EPHA6: variants seen among roughly 807,000 people sequenced by gnomAD.
EPHA6 encodes the protein ephrin type-A receptor 6.
A neutral mutation model predicts 112.0 loss-of-function variants in EPHA6; 50 were observed. The observed-to-expected ratio is 0.45, with a 90% CI of 0.36 to 0.56. EPHA6 has a LOEUF of 0.56. EPHA6 is among the 20% of genes least tolerant of loss of function. The pLI is 0.00. For synonymous variants in EPHA6, 529 were observed against 490.7 expected (o/e 1.08, Z -1.03); for missense variants, 1,280 against 1,417.4 (o/e 0.90, Z 1.56).
At chr3:97,618,417 T>C (rs2093784301) in intron 13 of EPHA6, among the ~76,000 whole-genome samples, 1 of 151,860 alleles carries the variant, frequency 6.6e-6, no homozygotes, top group African/African-American at 2.4e-5. Context: ...GGATGAGAAA[T>C]AACTAAGATC....
At chr3:97,092,637 A>G (rs2047108459) in intron 3 of EPHA6, among the ~76,000 whole-genome samples, 1 of 152,030 alleles carries the variant, frequency 6.6e-6, no homozygotes. Context: ...GTATAAAAAA[A>G]CTGGCTACCA....
At chr3:97,300,877 C>A (rs917179080) in intron 5 of EPHA6, among the ~76,000 whole-genome samples, 3 of 151,990 alleles carry the variant, frequency 2.0e-5, no homozygotes, top group African/African-American at 7.2e-5. Flanking sequence ...TTTATCCTGG[C>A]ATTTAGGATT....
chr3:97,389,785 TCCTATTAA>T (rs1419570311), intron 5 of EPHA6, among the ~76,000 whole-genome samples: 1 of 152,136 alleles, frequency 6.6e-6, no homozygotes, highest in Non-Finnish European at 1.5e-5. Flanking sequence ...TTCTTTGTAA[TCCTATTAA>T]CTTATGCAAT....
rs181948654 is a variant in EPHA6 at position 97,032,086 on chromosome 3, G to A, written c.1114+44093G>A. ...TGATAGACTGGATTAAGAAAATGTG[G>A]CACATATACACCATGGAATACTATG... On this transcript the variant is annotated intron_variant, in intron 3 of 17. Coordinates refer to ENST00000389672, the MANE Select transcript of EPHA6 (RefSeq NM_001080448.3). Among the ~76,000 whole-genome samples the A allele has an allele frequency of 1.2e-3, 183 of 152,166 alleles. 1 individual carries two copies. Among genetic ancestry groups the A allele is most frequent in the African/African-American group, 4.2e-3 (174 of 41,526 alleles).
intron 5 of EPHA6, among the ~76,000 whole-genome samples, chr3:97,402,809 C>T (rs1397996288): frequency 1.3e-5 from 2 of 152,076 alleles, no homozygotes; most frequent in South Asian, 2.1e-4. Context: ...TTTCTAAAGA[C>T]CTTATTTCCT....
chr3:97,434,749 A>C (rs1172501613), intron 6 of EPHA6, among the ~76,000 whole-genome samples: 2 of 152,152 alleles, frequency 1.3e-5, no homozygotes, highest in African/African-American at 4.8e-5. Flanking sequence ...GACAGAGCAG[A>C]GGCAGCTCAT....
At chr3:96,919,700 A>G (rs1046205636) in intron 2 of EPHA6, among the ~76,000 whole-genome samples, 1 of 151,874 alleles carries the variant, frequency 6.6e-6, no homozygotes, top group South Asian at 2.1e-4. Flanking sequence ...ATGTGTGTCC[A>G]TCTCCAATAA....
At chr3:97,006,251 C>CT (rs1251034475) in intron 3 of EPHA6, among the ~76,000 whole-genome samples, 1 of 151,998 alleles carries the variant, frequency 6.6e-6, no homozygotes, top group East Asian at 1.9e-4. Flanking sequence ...TAGTCCTGGG[C>CT]TTTTTTTGGT....
intron 5 of EPHA6, among the ~76,000 whole-genome samples, chr3:97,325,695 ATT>A (rs989087420): frequency 1.3e-5 from 2 of 152,016 alleles, no homozygotes; most frequent in Non-Finnish European, 2.9e-5. Flanking sequence ...GCTTCTGATA[ATT>A]TTTGGTATGT....
intron 2 of EPHA6, among the ~76,000 whole-genome samples, chr3:96,890,299 C>G (rs1054282793): frequency 1.3e-5 from 2 of 151,926 alleles, no homozygotes; most frequent in African/African-American, 4.8e-5. Context: ...TTAAAGAACT[C>G]CCACAAACCA....
rs1340605702 is a variant in EPHA6, at chr3:96,994,707, G to GTATATA, written c.1114+6715_1114+6716insATATAT. 6.7e-3 allele frequency among the ~76,000 whole-genome samples: 623 copies of GTATATA among 92,806 alleles called. 5 individuals are homozygous for GTATATA. Among genetic ancestry groups the GTATATA allele is most frequent in the Non-Finnish European group, 8.7e-3 (478 of 54,782 alleles). The allele number at this position is 92,806 out of a possible 152,430, so 60.9% of individuals were successfully genotyped here. On this transcript the variant is annotated intron_variant, in intron 3 of 17. Coordinates refer to ENST00000389672, the MANE Select transcript of EPHA6 (RefSeq NM_001080448.3). Reference sequence around the variant, plus strand: ...TGTGTGTGTGTATGTGTGTGTGTGTGTGTATATATATATATATATATATAT... The same window carrying GTATATA: ...TGTGTGTGTGTATGTGTGTGTGTGTGTATATATGTATATATATATATATATATATAT...
chr3:96,963,795 A>G (rs112458650), intron 2 of EPHA6, among the ~76,000 whole-genome samples: 2,337 of 152,266 alleles, frequency 0.015, 60 homozygotes, highest in African/African-American at 0.053. Flanking sequence ...ATTTGCGGTA[A>G]TCAGTTTTTA....
chr3:97,532,991 G>T (rs971797337), intron 11 of EPHA6, among the ~76,000 whole-genome samples: 1 of 151,748 alleles, frequency 6.6e-6, no homozygotes, highest in Non-Finnish European at 1.5e-5. Context: ...AATGGCATTA[G>T]GAGTAAATTA....
intron 2 of EPHA6, among the ~76,000 whole-genome samples, chr3:96,931,550 G>A (rs2040326949): frequency 6.6e-6 from 1 of 152,200 alleles, no homozygotes; most frequent in African/African-American, 2.4e-5. Flanking sequence ...ACTTAAAGAA[G>A]CAGTCTGGCC....
chr3:97,664,092 T>C (rs1313021244), intron 14 of EPHA6, among the ~76,000 whole-genome samples: 2 of 152,248 alleles, frequency 1.3e-5, no homozygotes, highest in South Asian at 2.1e-4. Context: ...CCAGTGATGA[T>C]GAGCATTTTT....
intron 5 of EPHA6, among the ~76,000 whole-genome samples, chr3:97,356,476 T>C (rs1455439467): frequency 1.3e-5 from 2 of 152,192 alleles, no homozygotes; most frequent in African/African-American, 4.8e-5. Context: ...CACTATGTCT[T>C]ATAAGTTTTG....
At chr3:97,742,746 T>C (rs2035562023) in intron 16 of EPHA6, among the ~76,000 whole-genome samples, 2 of 152,150 alleles carry the variant, frequency 1.3e-5, no homozygotes, top group Non-Finnish European at 2.9e-5. Flanking sequence ...TTTAAAAATG[T>C]TTTAAATATC....
chr3:97,645,682 G>A (rs961837497), intron 14 of EPHA6, among the ~76,000 whole-genome samples: 3 of 151,758 alleles, frequency 2.0e-5, no homozygotes, highest in Non-Finnish European at 4.4e-5. Flanking sequence ...AAAAGAAAAG[G>A]ATTCTTTGTT....
chr3:97,093,232 C>A (rs929696029), intron 3 of EPHA6, among the ~76,000 whole-genome samples: 1 of 152,142 alleles, frequency 6.6e-6, no homozygotes, highest in African/African-American at 2.4e-5. Flanking sequence ...AACTGAAATT[C>A]TATCATTCTG....
Sources: allele counts gnomAD v4.1 joint callset (sites outside exome capture counted in the v4.1 genomes callset), GRCh38; gene constraint gnomAD v4.1.1; transcripts MANE v1.5; gene names NCBI Gene and HGNC (gene_info 2026-07-23, HGNC 2026-07-21).